The following DIAPH2 variants were observed in gnomAD, a reference collection of about 807,000 sequenced individuals.
DIAPH2 encodes diaphanous related formin 2.
In DIAPH2, 35 loss-of-function variants were observed where a neutral mutation model predicts 92.7. That is an observed-to-expected ratio of 0.38 (90% CI 0.29 to 0.50). The LOEUF (loss-of-function observed/expected upper bound fraction) is 0.50. Among genes scored for constraint, DIAPH2 ranks in the 20% least tolerant of loss-of-function variants. DIAPH2 has a pLI of 0.94. For synonymous variants in DIAPH2, 301 were observed against 280.4 expected, an observed-to-expected ratio of 1.07 and a Z score of -0.73; for missense variants, 701 against 819.5, an observed-to-expected ratio of 0.86 and a Z score of 1.77.
At chrX:97,540,684 T>C (rs1440273704) in intron 26 of DIAPH2, among the ~76,000 whole-genome samples, 1 of 111,982 alleles carries the variant, frequency 8.9e-6, no homozygotes, top group African/African-American at 3.2e-5. Flanking sequence ...TTAGAAGATA[T>C]AAATAAATAT....
At chrX:97,210,943 G>T (rs992666009) in intron 22 of DIAPH2, among the ~76,000 whole-genome samples, 15 of 111,903 alleles carry the variant, frequency 1.3e-4, no homozygotes, top group Non-Finnish European at 2.8e-4. Context: ...ATTTTGTTCT[G>T]TCCCTGTTGG....
intron 26 of DIAPH2, among the ~76,000 whole-genome samples, chrX:97,569,531 A>T (rs139839115): frequency 0.026 from 2,850 of 111,535 alleles, 96 homozygotes; most frequent in African/African-American, 0.088. Flanking sequence ...TCTTTGTATA[A>T]ATGTGTACTT....
intron 17 of DIAPH2, among the ~76,000 whole-genome samples, chrX:96,974,102 T>C (rs5920650): frequency 0.49 from 54,145 of 110,199 alleles, 9,848 homozygotes; most frequent in South Asian, 0.61. Context: ...TAAGTTGGAA[T>C]GTAAAGTTTG....
At chrX:97,305,821 C>T (rs56167296) in intron 23 of DIAPH2, among the ~76,000 whole-genome samples, 1 of 85,940 alleles carries the variant, frequency 1.2e-5, no homozygotes, top group Admixed American at 1.3e-4. Context: ...GAGACTCCTT[C>T]TCCAAAAAAA....
intron 23 of DIAPH2, among the ~76,000 whole-genome samples, chrX:97,287,019 A>T (rs1218543184): frequency 9.0e-6 from 1 of 111,518 alleles, no homozygotes; most frequent in Non-Finnish European, 1.9e-5. Flanking sequence ...CTTTTCCTCC[A>T]CTACATTTAC....
chrX:97,041,682 A>G (rs1350888124), intron 17 of DIAPH2, among the ~76,000 whole-genome samples: 1 of 111,673 alleles, frequency 9.0e-6, no homozygotes, highest in Non-Finnish European at 1.9e-5. Flanking sequence ...GATGGGGAAA[A>G]CAGGGTTGAT....
intron 23 of DIAPH2, among the ~76,000 whole-genome samples, chrX:97,322,922 T>G (rs1439509370): frequency 9.6e-6 from 1 of 104,474 alleles, no homozygotes; most frequent in Non-Finnish European, 2.0e-5. Context: ...TTTTTTTTTT[T>G]TGAGAGAAGT....
intron 25 of DIAPH2, among the ~76,000 whole-genome samples, chrX:97,398,448 C>T (rs945317864): frequency 9.0e-6 from 1 of 111,120 alleles, no homozygotes; most frequent in African/African-American, 3.3e-5. Context: ...GTGGCTAAAG[C>T]ATGTTGAAAG....
chrX:97,300,522 C>G (rs1352785435), intron 23 of DIAPH2, among the ~76,000 whole-genome samples: 3 of 108,353 alleles, frequency 2.8e-5, no homozygotes, highest in Non-Finnish European at 5.7e-5. Flanking sequence ...AATTCAGTGA[C>G]GCTTTCCAAC....
At chrX:96,810,866 C>G (rs1436938981) in intron 4 of DIAPH2, among the ~76,000 whole-genome samples, 1 of 111,509 alleles carries the variant, frequency 9.0e-6, no homozygotes, top group African/African-American at 3.3e-5. Flanking sequence ...CTGTTCTGTT[C>G]CACTGGTCTG....
intron 26 of DIAPH2, among the ~76,000 whole-genome samples, chrX:97,545,332 A>G (rs1465296161): frequency 9.1e-6 from 1 of 109,909 alleles, no homozygotes; most frequent in Non-Finnish European, 1.9e-5. Context: ...TGTCTCCACC[A>G]TCCACCAAAT....
At chrX:96,930,583 A>G in intron 9 of DIAPH2, 150 bp from the exon 10 acceptor site, 1 of 389,112 alleles carries the variant, frequency 2.6e-6, no homozygotes, top group Non-Finnish European at 4.3e-6. Flanking sequence ...ATTGTTTATA[A>G]TTAAAGTCAT....
At chrX:96,899,072 T>C (rs2065371576) in intron 5 of DIAPH2, among the ~76,000 whole-genome samples, 1 of 110,904 alleles carries the variant, frequency 9.0e-6, no homozygotes, top group African/African-American at 3.3e-5. Flanking sequence ...CTCTGTTCTG[T>C]TCCGTTGATC....
chrX:97,166,932 T>A (rs1335102934), intron 22 of DIAPH2, among the ~76,000 whole-genome samples: 7 of 112,461 alleles, frequency 6.2e-5, no homozygotes, highest in Non-Finnish European at 9.4e-5. Context: ...TTTTGAATCT[T>A]TACATAAACA....
intron 22 of DIAPH2, among the ~76,000 whole-genome samples, chrX:97,156,333 ATTG>A: frequency 8.9e-6 from 1 of 112,151 alleles, no homozygotes; most frequent in Middle Eastern, 4.6e-3. Context: ...TTTCTCTATG[ATTG>A]TTTTATGAAA....
intron 16 of DIAPH2, among the ~76,000 whole-genome samples, chrX:96,960,015 T>C (rs1602665030): frequency 9.0e-6 from 1 of 111,714 alleles, no homozygotes; most frequent in East Asian, 2.8e-4. Flanking sequence ...TTTTGACTAC[T>C]ATAGCCTTGT....
chrX:96,858,524 T>A (rs1355682703), intron 4 of DIAPH2, among the ~76,000 whole-genome samples: 1 of 112,027 alleles, frequency 8.9e-6, no homozygotes, highest in African/African-American at 3.2e-5. Flanking sequence ...ATCAGTCTGG[T>A]TTGGAGCAAA....
chrX:97,470,115 T>C (rs1253073694), intron 26 of DIAPH2, among the ~76,000 whole-genome samples: 2 of 111,735 alleles, frequency 1.8e-5, no homozygotes, highest in Non-Finnish European at 3.8e-5. Flanking sequence ...TTAAAATGTA[T>C]ACTAGTCATT....
chrX:97,196,203 T>C (rs1029006380), intron 22 of DIAPH2, among the ~76,000 whole-genome samples: 6 of 89,336 alleles, frequency 6.7e-5, no homozygotes, highest in Non-Finnish European at 1.3e-4. Flanking sequence ...GTGATACACA[T>C]ACACACACAC....
Sources: allele counts gnomAD v4.1 joint callset (sites outside exome capture counted in the v4.1 genomes callset), GRCh38; gene constraint gnomAD v4.1.1; transcripts MANE v1.5; gene names NCBI Gene and HGNC (gene_info 2026-07-23, HGNC 2026-07-21).